The following MICU2 variants were observed in gnomAD, a reference collection of about 807,000 sequenced individuals.
MICU2 encodes the protein calcium uptake protein 2, mitochondrial.
A neutral mutation model predicts 60.4 loss-of-function variants in MICU2; 64 were observed. The observed-to-expected ratio is 1.06, with a 90% CI of 0.87 to 1.31. MICU2 has a LOEUF of 1.31. Ranked by LOEUF, MICU2 falls within the 50% of genes most tolerant of loss-of-function variation. The pLI, the probability that MICU2 is intolerant of heterozygous loss-of-function variation, is 0.00. For synonymous variants in MICU2, 201 were observed against 175.0 expected, an observed-to-expected ratio of 1.15 and a Z score of -1.17; for missense variants, 569 against 531.0, an observed-to-expected ratio of 1.07 and a Z score of -0.70.
chr13:21,581,321 T>A (rs533992440), intron 1 of MICU2, among the ~76,000 whole-genome samples: 1 of 152,312 alleles, frequency 6.6e-6, no homozygotes, highest in South Asian at 2.1e-4. Flanking sequence ...TTTCACCATG[T>A]TGACCAGGCT....
intron 1 of MICU2, among the ~76,000 whole-genome samples, chr13:21,601,378 T>A (rs527615205): frequency 2.6e-5 from 4 of 152,190 alleles, no homozygotes; most frequent in African/African-American, 7.2e-5. Context: ...CTGAAAGGAA[T>A]GTCCACCGTG....
At position 21,594,390 on chromosome 13, in the gene MICU2, G is replaced by C. The variant is rs111713259; in HGVS notation, c.210+9549C>G. ...AAAAGTCAGGAAACAATAGATACTGGCAAGGCTATGGAGAAATAGGAACAC... is the reference window on the plus strand; with the variant it reads ...AAAAGTCAGGAAACAATAGATACTGCCAAGGCTATGGAGAAATAGGAACAC... On this transcript the variant is annotated intron_variant, in intron 1 of 11. Transcript: ENST00000382374. Among the ~76,000 whole-genome samples, 12 of 152,242 alleles carry C rather than the reference G, an allele frequency of 7.9e-5. 1 individual carries two copies. Among genetic ancestry groups the C allele is most frequent in the African/African-American group, 2.9e-4 (12 of 41,550 alleles).
At position 21,548,837 on chromosome 13, in the gene MICU2, T is replaced by G. The variant is rs572515684; in HGVS notation, c.359-9149A>C. Among the ~76,000 whole-genome samples, 43 of 151,902 alleles carry G rather than the reference T, an allele frequency of 2.8e-4. No homozygotes were observed. The South Asian group carries it at 8.8e-3, about 31-fold the overall frequency. On this transcript the variant is annotated intron_variant, in intron 2 of 11. Coordinates refer to ENST00000382374, the MANE Select transcript of MICU2 (RefSeq NM_152726.3). ...GGGAGGTAGATAGAAGGTGGGAGGGTTATACAAGGATTCTATCGCCGTATC... is the reference window on the plus strand; with the variant it reads ...GGGAGGTAGATAGAAGGTGGGAGGGGTATACAAGGATTCTATCGCCGTATC...
At chr13:21,535,862 A>G (rs937273690) in intron 4 of MICU2, among the ~76,000 whole-genome samples, 3 of 152,168 alleles carry the variant, frequency 2.0e-5, no homozygotes, top group Admixed American at 6.5e-5. Context: ...CAACAATCCC[A>G]TAAGGAAGGC....
chr13:21,566,391 C>A (rs565917759), intron 2 of MICU2, among the ~76,000 whole-genome samples: 4 of 152,192 alleles, frequency 2.6e-5, no homozygotes, highest in Non-Finnish European at 5.9e-5. Flanking sequence ...TAAATAAAAT[C>A]ATGTAATTAT....
chr13:21,507,810 G>A (rs1886325999), intron 8 of MICU2, among the ~76,000 whole-genome samples: 1 of 151,682 alleles, frequency 6.6e-6, no homozygotes, highest in Non-Finnish European at 1.5e-5. Flanking sequence ...CACCACGTTG[G>A]CCAGGCTGGT....
At chr13:21,575,511 C>A (rs780953812) in intron 1 of MICU2, among the ~76,000 whole-genome samples, 5 of 151,222 alleles carry the variant, frequency 3.3e-5, no homozygotes, top group Non-Finnish European at 1.5e-5. Context: ...TCCCTTGAGC[C>A]CAAGAGTTTG....
chr13:21,582,126 G>A (rs1888360717), intron 1 of MICU2, among the ~76,000 whole-genome samples: 1 of 152,136 alleles, frequency 6.6e-6, no homozygotes, highest in African/African-American at 2.4e-5. Flanking sequence ...GAGAAATACG[G>A]GTGACAAGAG....
At chr13:21,542,756 A>G (rs1887315338) in intron 2 of MICU2, among the ~76,000 whole-genome samples, 1 of 152,176 alleles carries the variant, frequency 6.6e-6, no homozygotes, top group Non-Finnish European at 1.5e-5. Flanking sequence ...AGATTCCACC[A>G]TGTGGTTTTC....
chr13:21,527,959 C>T (rs756254948), intron 4 of MICU2, among the ~76,000 whole-genome samples: 1 of 152,044 alleles, frequency 6.6e-6, no homozygotes, highest in East Asian at 1.9e-4. Context: ...AAAATATGAC[C>T]GCTGTTAAGT....
At chr13:21,583,298 A>G (rs1318977910) in intron 1 of MICU2, among the ~76,000 whole-genome samples, 1 of 152,222 alleles carries the variant, frequency 6.6e-6, no homozygotes, top group Non-Finnish European at 1.5e-5. Flanking sequence ...AAATAAATAA[A>G]CATGCTTCAA....
chr13:21,509,444 C>T (rs930077656), intron 8 of MICU2, among the ~76,000 whole-genome samples: 2 of 152,206 alleles, frequency 1.3e-5, no homozygotes, highest in African/African-American at 4.8e-5. Context: ...ACCATATTTA[C>T]TCTTTAGGCC....
At chr13:21,515,617 CA>C in intron 6 of MICU2, 1 of 418,060 alleles carries the variant, frequency 2.4e-6, no homozygotes, top group Non-Finnish European at 4.8e-6. Context: ...CAGATGTAGA[CA>C]AAATCCCAAA....
At chr13:21,554,128 C>T (rs9509791) in intron 2 of MICU2, among the ~76,000 whole-genome samples, 5,232 of 152,214 alleles carry the variant, frequency 0.034, 104 homozygotes, top group Non-Finnish European at 0.049. Context: ...ATCAACGAGA[C>T]AGAAAGTTAA....
In MICU2 at chr13:21,527,793, C is replaced by T. The variant is rs1182389047; in HGVS notation, c.467-5143G>A. On this transcript the variant is annotated intron_variant, in intron 4 of 11. Coordinates refer to ENST00000382374, the MANE Select transcript of MICU2 (RefSeq NM_152726.3). ...AACGAGTAAGTTCTGACTTTTTCCT[C>T]TCCTCACGTCAGACAACCAATATGT... Among the ~76,000 whole-genome samples, 5 of 152,324 alleles carry T rather than the reference C, an allele frequency of 3.3e-5. No homozygotes were observed. The East Asian group carries it at 9.6e-4, about 29-fold the overall frequency.
At chr13:21,578,855 G>C (rs778370601) in intron 1 of MICU2, among the ~76,000 whole-genome samples, 2 of 152,162 alleles carry the variant, frequency 1.3e-5, no homozygotes, top group Non-Finnish European at 2.9e-5. Context: ...GCCATTGACA[G>C]GTGGTGGCAG....
chr13:21,547,493 G>T (rs548824968), intron 2 of MICU2, among the ~76,000 whole-genome samples: 1 of 152,098 alleles, frequency 6.6e-6, no homozygotes, highest in East Asian at 1.9e-4. Flanking sequence ...ACTATATCAT[G>T]AATTCTATTA....
At chr13:21,519,372 C>T (rs2138162527) in intron 6 of MICU2, among the ~76,000 whole-genome samples, 1 of 152,182 alleles carries the variant, frequency 6.6e-6, no homozygotes, top group South Asian at 2.1e-4. Flanking sequence ...GAGTTCACTG[C>T]TTTTAAACAC....
At chr13:21,596,972 G>T (rs1022825026) in intron 1 of MICU2, among the ~76,000 whole-genome samples, 3 of 152,084 alleles carry the variant, frequency 2.0e-5, no homozygotes, top group Non-Finnish European at 4.4e-5. Context: ...TTGGCTTGAG[G>T]TTTACCAGTT....
Sources: gnomAD v4.1 joint callset for allele counts (sites outside exome capture counted in the v4.1 genomes callset) on GRCh38, gnomAD v4.1.1 for gene constraint, MANE v1.5 for transcripts, NCBI Gene and HGNC (gene_info 2026-07-23, HGNC 2026-07-21) for gene names.